The following GKAP1 variants were observed in gnomAD, a reference collection of about 807,000 sequenced individuals.
The protein encoded by GKAP1 is G kinase anchoring protein 1.
GKAP1 carries 31 observed loss-of-function variants against 56.7 expected under a neutral mutation model. The observed-to-expected ratio is 0.55, with a 90% confidence interval of 0.41 to 0.74. GKAP1 has a LOEUF of 0.74. Among genes scored for constraint, GKAP1 ranks in the 30% least tolerant of loss-of-function variants. The pLI is 0.00. For synonymous variants in GKAP1, 151 were observed against 138.6 expected, an observed-to-expected ratio of 1.09 and a Z score of -0.63; for missense variants, 364 against 402.3, an observed-to-expected ratio of 0.90 and a Z score of 0.82.
At chr9:83,790,850 A>G (rs1403692682) in intron 4 of GKAP1, among the ~76,000 whole-genome samples, 2 of 152,088 alleles carry the variant, frequency 1.3e-5, no homozygotes, top group East Asian at 3.9e-4. Context: ...TAACAAAACT[A>G]CTTGTTTATT....
chr9:83,800,332 TTTTTTTTTTG>T (rs1314792527), intron 3 of GKAP1, among the ~76,000 whole-genome samples: 2 of 46,852 alleles, frequency 4.3e-5, no homozygotes, highest in African/African-American at 1.0e-4. Flanking sequence ...CCTCCTTACG[TTTTTTTTTTG>T]TTTTTTTTTT....
rs542706018 is a variant in GKAP1 at position 83,807,425 on chromosome 9, T to G, written c.-43-865A>C. 2.6e-5 allele frequency among the ~76,000 whole-genome samples: 4 copies of G among 152,296 alleles called. No individual in the cohort carries two copies. The East Asian group carries it at 7.7e-4, about 29-fold the overall frequency. On this transcript the variant is annotated intron_variant, in intron 2 of 12. Transcript: ENST00000376371. ...ACAACCAGAAGACTAAGTGCTCTTCTAATTAAAAAAGACAAAGATTGTCTT... is the reference window on the plus strand; with the variant it reads ...ACAACCAGAAGACTAAGTGCTCTTCGAATTAAAAAAGACAAAGATTGTCTT...
intron 4 of GKAP1, among the ~76,000 whole-genome samples, chr9:83,790,467 C>T (rs1222832327): frequency 6.6e-6 from 1 of 152,098 alleles, no homozygotes; most frequent in Non-Finnish European, 1.5e-5. Context: ...ACTTAAAGGA[C>T]AGTAATCATC....
chr9:83,748,477 A>G (rs1943331407), intron 9 of GKAP1, 105 bp from the exon 10 acceptor site: 2 of 622,270 alleles, frequency 3.2e-6, no homozygotes, highest in Non-Finnish European at 5.5e-6. Flanking sequence ...GCTCAAAGAT[A>G]TAATTACTTT....
intron 7 of GKAP1, 96 bp from the exon 8 acceptor site, chr9:83,769,066 C>A: frequency 1.1e-6 from 1 of 871,842 alleles, no homozygotes; most frequent in Non-Finnish European, 1.8e-6. Flanking sequence ...GCATTTAGTA[C>A]ACCTAGTCAA....
intron 2 of GKAP1, among the ~76,000 whole-genome samples, chr9:83,815,481 T>A (rs1353568013): frequency 6.6e-6 from 1 of 151,918 alleles, no homozygotes; most frequent in African/African-American, 2.4e-5. Flanking sequence ...ATTGCCATTA[T>A]GACCTTATCC....
rs1564199151 is a variant in GKAP1, at chr9:83,774,701, C to CTTTTTTTTTTTTTTTTTTTTTTT, written c.585+5680_585+5681insAAAAAAAAAAAAAAAAAAAAAAA. ...AGAAACTATCAATAAACAGAAACCC[C>CTTTTTTTTTTTTTTTTTTTTTTT]CTTTTTTTTTTTTTTTTTTTTTTTT... On this transcript the variant is annotated intron_variant, in intron 7 of 12. Coordinates refer to ENST00000376371, the MANE Select transcript of GKAP1 (RefSeq NM_025211.4). 6.9e-5 allele frequency among the ~76,000 whole-genome samples: 7 copies of CTTTTTTTTTTTTTTTTTTTTTTT among 100,942 alleles called. 3 individuals are homozygous for CTTTTTTTTTTTTTTTTTTTTTTT. Among genetic ancestry groups the CTTTTTTTTTTTTTTTTTTTTTTT allele is most frequent in the Non-Finnish European group, 1.4e-4 (7 of 49,358 alleles). The allele number at this position is 100,942 out of a possible 152,430, so 66.2% of individuals were successfully genotyped here. A position where few individuals can be genotyped will look rare whatever the true frequency, so the allele number is the denominator to read the frequency against.
chr9:83,759,840 A>G, intron 8 of GKAP1, among the ~76,000 whole-genome samples: 1 of 152,170 alleles, frequency 6.6e-6, no homozygotes, highest in East Asian at 1.9e-4. Context: ...TGAAATTAAT[A>G]TTACTGTAAT....
intron 3 of GKAP1, among the ~76,000 whole-genome samples, chr9:83,805,158 G>T (rs557704287): frequency 6.5e-4 from 99 of 152,222 alleles, no homozygotes; most frequent in African/African-American, 2.2e-3. Flanking sequence ...CCTGTTGATC[G>T]GTGACCTTAC....
intron 2 of GKAP1, among the ~76,000 whole-genome samples, chr9:83,815,452 T>C (rs1944569251): frequency 6.6e-6 from 1 of 151,722 alleles, no homozygotes; most frequent in Non-Finnish European, 1.5e-5. Context: ...TCTTGGCCTC[T>C]ATCAAGGTTT....
intron 2 of GKAP1, among the ~76,000 whole-genome samples, chr9:83,809,237 G>A (rs1349495621): frequency 6.6e-6 from 1 of 152,166 alleles, no homozygotes; most frequent in Non-Finnish European, 1.5e-5. Flanking sequence ...GTAGCATAAG[G>A]CAGAGCTATC....
chr9:83,749,888 G>A (rs1943358603), intron 9 of GKAP1, among the ~76,000 whole-genome samples: 1 of 152,092 alleles, frequency 6.6e-6, no homozygotes, highest in South Asian at 2.1e-4. Context: ...AATGAACAAG[G>A]GAGACCAGTC....
rs1359024912 is a variant in GKAP1 at position 83,817,746 on chromosome 9, T to C, written c.-405A>G. 6.7e-6 allele frequency: 1 copy of C among 148,682 alleles called. No homozygotes were observed. Among genetic ancestry groups the C allele is most frequent in the Non-Finnish European group, 1.5e-5 (1 of 67,346 alleles). 9.2% of individuals were successfully genotyped at this position (148,682 alleles called of 1,614,324 possible). On this transcript the variant is annotated 5_prime_UTR_variant, in exon 1 of 13. Coordinates refer to ENST00000376371, the MANE Select transcript of GKAP1 (RefSeq NM_025211.4). ...CGCGGAGGTGAGCGCGGCTGCAGGCTGCGGTGAGGGGCGGGGAGAGCGCGG... is the reference window on the plus strand; with the variant it reads ...CGCGGAGGTGAGCGCGGCTGCAGGCCGCGGTGAGGGGCGGGGAGAGCGCGG...
intron 7 of GKAP1, among the ~76,000 whole-genome samples, chr9:83,779,872 A>G (rs972775706): frequency 2.0e-5 from 3 of 151,930 alleles, no homozygotes; most frequent in East Asian, 1.9e-4. Flanking sequence ...AACAGAAACA[A>G]AAAACCCCAA....
At chr9:83,746,534 C>T (rs894949575) in intron 10 of GKAP1, among the ~76,000 whole-genome samples, 10 of 152,030 alleles carry the variant, frequency 6.6e-5, no homozygotes, top group African/African-American at 2.4e-4. Context: ...AACCCCGTCT[C>T]TAGTAAAAAT....
At chr9:83,801,604 G>C (rs1421223435) in intron 3 of GKAP1, among the ~76,000 whole-genome samples, 4 of 152,196 alleles carry the variant, frequency 2.6e-5, no homozygotes, top group Admixed American at 1.3e-4. Context: ...GATGCTGCTG[G>C]AAATGAAGCA....
rs536530936 is a variant in GKAP1 at position 83,779,673 on chromosome 9, T to TA, written c.585+708dup. ...AGTGAAATCGAGGACCATCTGACCA[T>TA]AAAAAATTAAACAACGGAATGCCTA... On this transcript the variant is annotated intron_variant, in intron 7 of 12. Coordinates refer to ENST00000376371, the MANE Select transcript of GKAP1 (RefSeq NM_025211.4). 3.3e-3 allele frequency among the ~76,000 whole-genome samples: 495 copies of TA among 148,450 alleles called. 8 individuals carry two copies. The highest frequency in any genetic ancestry group is 0.012 in the African/African-American group (486 of 40,298).
At chr9:83,766,439 G>A (rs1030084686) in intron 8 of GKAP1, among the ~76,000 whole-genome samples, 13 of 152,182 alleles carry the variant, frequency 8.5e-5, no homozygotes, top group African/African-American at 2.7e-4. Context: ...AGAACCTCAC[G>A]AGTACGTCAG....
At chr9:83,752,006 T>C (rs569968692) in intron 9 of GKAP1, among the ~76,000 whole-genome samples, 32 of 152,344 alleles carry the variant, frequency 2.1e-4, no homozygotes, top group South Asian at 6.2e-4. Context: ...AGGACTCAGA[T>C]ACTTATGCAC....
Sources: allele counts gnomAD v4.1 joint callset (sites outside exome capture counted in the v4.1 genomes callset), GRCh38; gene constraint gnomAD v4.1.1; transcripts MANE v1.5; gene names NCBI Gene and HGNC (gene_info 2026-07-23, HGNC 2026-07-21).